ADAMTS9: variants seen among roughly 807,000 people sequenced by gnomAD.
ADAMTS9 encodes the protein A disintegrin and metalloproteinase with thrombospondin motifs 9.
Under a neutral mutation model 257.1 loss-of-function variants are expected in ADAMTS9, and 107 were observed. The ratio of observed to expected loss-of-function variants is 0.42; its 90% CI spans 0.36 to 0.49. The LOEUF (loss-of-function observed/expected upper bound fraction) is 0.49, where lower values mean the gene tolerates loss of function less well. Among genes scored for constraint, ADAMTS9 ranks in the 20% least tolerant of loss-of-function variants. The pLI is 0.03. For synonymous variants in ADAMTS9, 982 were observed against 880.9 expected (o/e 1.11, Z -2.03); for missense variants, 2,353 against 2,469.1 (o/e 0.95, Z 1.00).
chr3:64,532,180 C>A (rs1411872855), intron 38 of ADAMTS9, among the ~76,000 whole-genome samples: 1 of 152,140 alleles, frequency 6.6e-6, no homozygotes, highest in East Asian at 1.9e-4. Flanking sequence ...GGTTATGTCT[C>A]AATAAACACA....
intron 12 of ADAMTS9, among the ~76,000 whole-genome samples, chr3:64,638,016 T>G (rs1479134488): frequency 6.6e-6 from 1 of 152,200 alleles, no homozygotes. Context: ...TTGGATGAAA[T>G]AGACATATGT....
chr3:64,532,133 A>T (rs2082990144), intron 38 of ADAMTS9, among the ~76,000 whole-genome samples: 1 of 152,194 alleles, frequency 6.6e-6, no homozygotes, highest in African/African-American at 2.4e-5. Context: ...ACGGTGAGAA[A>T]CAGTACACAG....
intron 11 of ADAMTS9, among the ~76,000 whole-genome samples, chr3:64,647,485 A>T (rs1245911251): frequency 1.3e-5 from 2 of 152,178 alleles, no homozygotes; most frequent in Non-Finnish European, 2.9e-5. Context: ...AGGGAACAAC[A>T]CCGGTTGGCA....
intron 2 of ADAMTS9, among the ~76,000 whole-genome samples, chr3:64,681,669 G>C (rs1701759543): frequency 6.6e-6 from 1 of 152,136 alleles, no homozygotes; most frequent in Non-Finnish European, 1.5e-5. Context: ...TCAGCCTCCT[G>C]AGTAGCTGGG....
chr3:64,627,644 A>G (rs1700257915), intron 16 of ADAMTS9, among the ~76,000 whole-genome samples: 1 of 152,138 alleles, frequency 6.6e-6, no homozygotes, highest in African/African-American at 2.4e-5. Context: ...GTTTCCTGAA[A>G]ACAAGAGCCT....
chr3:64,540,432 G>A (rs1276945939), intron 36 of ADAMTS9, among the ~76,000 whole-genome samples: 3 of 152,148 alleles, frequency 2.0e-5, no homozygotes, highest in Non-Finnish European at 2.9e-5. Flanking sequence ...CAGTGTTGGC[G>A]AGAGTATGAA....
intron 19 of ADAMTS9, among the ~76,000 whole-genome samples, chr3:64,616,783 T>C (rs138815914): frequency 2.2e-4 from 34 of 152,274 alleles, no homozygotes; most frequent in Non-Finnish European, 3.7e-4. Context: ...GACCTTAAAA[T>C]GTATTTTGTT....
Position 64,651,175 on chromosome 3 carries a change from G to A in ADAMTS9, c.1317-12C>T, listed in dbSNP as rs753307038. On this transcript the variant is annotated splice_polypyrimidine_tract_variant and intron_variant, in intron 8 of 39. Transcript: ENST00000498707. ...GAGGCATGTTAAACCTAAAGCCAATGAGACAATGATGAGAATGTCAATAAA... is the reference window on the plus strand; with the variant it reads ...GAGGCATGTTAAACCTAAAGCCAATAAGACAATGATGAGAATGTCAATAAA... 8 of 1,559,500 alleles carry A rather than the reference G, an allele frequency of 5.1e-6. No homozygotes were observed. Among genetic ancestry groups the A allele is most frequent in the South Asian group, 3.7e-5 (3 of 81,064 alleles).
chr3:64,629,212 T>C (rs1433492669), intron 16 of ADAMTS9, among the ~76,000 whole-genome samples: 1 of 152,194 alleles, frequency 6.6e-6, no homozygotes, highest in African/African-American at 2.4e-5. Context: ...TCCTAATCAA[T>C]GGCACCGCTT....
At chr3:64,622,901 A>G (rs1454179934) in intron 16 of ADAMTS9, among the ~76,000 whole-genome samples, 1 of 152,256 alleles carries the variant, frequency 6.6e-6, no homozygotes, top group Non-Finnish European at 1.5e-5. Flanking sequence ...ACCCACAGTT[A>G]TAGAATTATA....
intron 28 of ADAMTS9, among the ~76,000 whole-genome samples, chr3:64,576,745 C>A (rs1239720304): frequency 1.3e-5 from 2 of 152,174 alleles, no homozygotes; most frequent in Admixed American, 6.5e-5. Flanking sequence ...CACTGCCCCC[C>A]AACACTCCAG....
At chr3:64,540,496 T>C (rs532512987) in intron 36 of ADAMTS9, among the ~76,000 whole-genome samples, 1 of 152,298 alleles carries the variant, frequency 6.6e-6, no homozygotes, top group Admixed American at 6.5e-5. Context: ...TCCATTTTTC[T>C]TCTGCACATT....
rs6768305 is a variant in ADAMTS9, at chr3:64,655,474, C to G, written c.1169+102G>C. 217,998 of 970,056 alleles carry G rather than the reference C, an allele frequency of 0.22. 25,856 individuals are homozygous for G. Among genetic ancestry groups the G allele is most frequent in the Non-Finnish European group, 0.25 (155,939 of 619,346 alleles). The allele number at this position is 970,056 out of a possible 1,614,324, so 60.1% of individuals were successfully genotyped here. A position where few individuals can be genotyped will look rare whatever the true frequency, so the allele number is the denominator to read the frequency against. ...GCCCAAAATGTCAACAGTGCCTAAG[C>G]TGAGAAACCCTCCACTAGCAGCTGA... On this transcript the variant is annotated intron_variant, in intron 6 of 39. Transcript: ENST00000498707.
In ADAMTS9 at chr3:64,628,629, CTT is replaced by C. The variant is rs555428058; in HGVS notation, c.2389+2824_2389+2825del. Among the ~76,000 whole-genome samples the C allele has an allele frequency of 2.6e-5, 4 of 152,192 alleles. No homozygotes were observed. The South Asian group carries it at 8.3e-4, about 32-fold the overall frequency. ...GTCCTCCAAGAACTTTGTTAATTGTCTTATAAAGTTGTCACTCATTTGGATGT... is the reference window on the plus strand; with the variant it reads ...GTCCTCCAAGAACTTTGTTAATTGTCATAAAGTTGTCACTCATTTGGATGT... On this transcript the variant is annotated intron_variant, in intron 16 of 39. Transcript: ENST00000498707.
At chr3:64,578,927 A>G (rs73120294) in intron 28 of ADAMTS9, among the ~76,000 whole-genome samples, 98 of 152,248 alleles carry the variant, frequency 6.4e-4, no homozygotes, top group Non-Finnish European at 1.2e-3. Context: ...GAGTTACTAC[A>G]ATGGTCTTAC....
chr3:64,615,993 G>A lies in ADAMTS9; in HGVS notation c.2991C>T (p.Asn997=). The A allele has an allele frequency of 1.9e-6, 3 of 1,613,736 alleles. No homozygotes were observed. Among genetic ancestry groups the A allele is most frequent in the Non-Finnish European group, 1.7e-6 (2 of 1,179,968 alleles). Residue 997 remains asparagine, a synonymous_variant, in exon 20 of 40, where the codon AAC becomes AAT. Transcript: ENST00000498707. ...SNREKCSGEC[N]TGGWRYSAWT... is the part of the protein sequence containing the mutation. ...AGGCAGAATAGCGCCAGCCACCCGT[G>A]TTACATTCCCCTGAGCATTTTTCAC...
intron 23 of ADAMTS9, among the ~76,000 whole-genome samples, chr3:64,604,818 G>C (rs2084529265): frequency 6.6e-6 from 1 of 152,298 alleles, no homozygotes; most frequent in Admixed American, 6.5e-5. Context: ...GATATAAAAG[G>C]TGTATTCAAT....
rs774286439 is a variant in ADAMTS9, at chr3:64,516,855, C to T, written c.*272G>A. ...AGGCAGTCATAATAGAATCATTTTACGTACAAAAATATTACATCACAATAA... is the reference window on the plus strand; with the variant it reads ...AGGCAGTCATAATAGAATCATTTTATGTACAAAAATATTACATCACAATAA... On this transcript the variant is annotated 3_prime_UTR_variant, in exon 40 of 40. Coordinates refer to ENST00000498707, the MANE Select transcript of ADAMTS9 (RefSeq NM_182920.2). The T allele has an allele frequency of 9.2e-5, 14 of 152,546 alleles. No individual in the cohort carries two copies. Among genetic ancestry groups the T allele is most frequent in the Admixed American group, 3.9e-4 (6 of 15,270 alleles). The allele number at this position is 152,546 out of a possible 1,614,324, so 9.4% of individuals were successfully genotyped here.
chr3:64,598,477 C>T (rs1233980114), intron 26 of ADAMTS9, among the ~76,000 whole-genome samples: 1 of 151,822 alleles, frequency 6.6e-6, no homozygotes, highest in African/African-American at 2.4e-5. Context: ...ACTACCACAC[C>T]TGGGTAAATT....
Sources: gnomAD v4.1 joint callset for allele counts (sites outside exome capture counted in the v4.1 genomes callset) on GRCh38, gnomAD v4.1.1 for gene constraint, MANE v1.5 for transcripts, NCBI Gene and HGNC (gene_info 2026-07-23, HGNC 2026-07-21) for gene names.